Variants in AEBP2 observed in about 807,000 individuals in gnomAD.
AEBP2 encodes the protein zinc finger protein AEBP2.
AEBP2 carries 10 observed loss-of-function variants against 50.8 expected under a neutral mutation model. The observed-to-expected ratio is 0.20, with a 90% CI of 0.12 to 0.33. The LOEUF is 0.33. Ranked by LOEUF, AEBP2 falls within the 10% of genes least tolerant of loss-of-function variation. The probability of loss-of-function intolerance (pLI) is 1.00; values close to 1 mark genes in which losing one functional copy is unlikely to be tolerated. For missense variants in AEBP2, 570 were observed against 688.0 expected (o/e 0.83, Z 1.92); for synonymous variants, 296 against 261.3 (o/e 1.13, Z -1.28).
chr12:19,518,175 G>C lies in AEBP2; in HGVS notation c.*58G>C. 6.6e-7 allele frequency: 1 copy of C among 1,504,486 alleles called. No homozygotes were observed. Among genetic ancestry groups the C allele is most frequent in the Non-Finnish European group, 8.9e-7 (1 of 1,128,402 alleles). The allele number at this position is 1,504,486 out of a possible 1,614,324, so 93.2% of individuals were successfully genotyped here. A position where few individuals can be genotyped will look rare whatever the true frequency, so the allele number is the denominator to read the frequency against. On this transcript the variant is annotated 3_prime_UTR_variant, in exon 8 of 8. Transcript: ENST00000266508. ...GGGGACACCTGCAGTCTTAGTCACT[G>C]ACAATGGGTTTAGGGAAAGTTGCAC...
At chr12:19,488,003 A>C (rs1352406327) in intron 3 of AEBP2, among the ~76,000 whole-genome samples, 1 of 152,168 alleles carries the variant, frequency 6.6e-6, no homozygotes, top group Admixed American at 6.6e-5. Flanking sequence ...AGCCTTGCAC[A>C]TTGCATATGT....
At chr12:19,407,044 G>T (rs560125993) in intron 1 of AEBP2, among the ~76,000 whole-genome samples, 1 of 152,122 alleles carries the variant, frequency 6.6e-6, no homozygotes, top group African/African-American at 2.4e-5. Context: ...TCTCACACTT[G>T]TAATCTCGGC....
Position 19,520,905 on chromosome 12 carries a change from A to G in AEBP2, c.*2788A>G, listed in dbSNP as rs1366877291. ...TGACCTCATGTGACTGGTCATAGTC[A>G]AAACAATTAAGACTTTGTTTCATGC... On this transcript the variant is annotated 3_prime_UTR_variant, in exon 8 of 8. Transcript: ENST00000266508. The G allele has an allele frequency of 6.6e-6, 1 of 152,226 alleles. No individual in the cohort carries two copies. The highest frequency in any genetic ancestry group is 1.5e-5 in the Non-Finnish European group (1 of 68,036). The allele number at this position is 152,226 out of a possible 1,614,324, so 9.4% of individuals were successfully genotyped here. A position where few individuals can be genotyped will look rare whatever the true frequency, so the allele number is the denominator to read the frequency against.
chr12:19,485,242 G>A (rs1338180520), intron 3 of AEBP2, among the ~76,000 whole-genome samples: 7 of 152,006 alleles, frequency 4.6e-5, no homozygotes, highest in Non-Finnish European at 8.8e-5. Flanking sequence ...AACTGTAGAC[G>A]TTTCCTATTG....
In AEBP2 at chr12:19,439,883, G is replaced by T; in HGVS notation, c.184G>T (p.Gly62Cys). The T allele has an allele frequency of 6.7e-7, 1 of 1,484,480 alleles. No homozygotes were observed. Among genetic ancestry groups the T allele is most frequent in the Non-Finnish European group, 8.9e-7 (1 of 1,126,558 alleles). 92.0% of individuals were successfully genotyped at this position (1,484,480 alleles called of 1,614,324 possible). ...GGTGGCGGCGCTGCTGCTGAACGGCGGCAGCGGTGGGGGCGGCGGAGGCGG... is the reference window on the plus strand; with the variant it reads ...GGTGGCGGCGCTGCTGCTGAACGGCTGCAGCGGTGGGGGCGGCGGAGGCGG... ...EAVAALLLNG[G>C]SGGGGGGGGG... Residue 62 changes from glycine (G) to cysteine (C), a missense_variant, in exon 1 of 8, where the codon GGC becomes TGC. By Grantham distance (159) the Gly-to-Cys change is radical (BLOSUM62 -3). Around this residue, in one of 2 missense-constraint regions of AEBP2, gnomAD observed 386 missense variants for 336.8 expected, o/e 1.15. Coordinates refer to ENST00000266508, the MANE Select transcript of AEBP2 (RefSeq NM_153207.5).
chr12:19,501,797 G>GTTTGTTTTTT (rs60750234), intron 5 of AEBP2, among the ~76,000 whole-genome samples: 38 of 70,908 alleles, frequency 5.4e-4, no homozygotes, highest in South Asian at 2.0e-3. Context: ...AAATGAGTTT[G>GTTTGTTTTTT]TTTTTTTTTT....
chr12:19,408,513 C>T (rs1282157267), intron 1 of AEBP2, among the ~76,000 whole-genome samples: 6 of 150,590 alleles, frequency 4.0e-5, no homozygotes, highest in South Asian at 2.1e-4. Flanking sequence ...TGCACCACTG[C>T]GCTCCAGCCT....
chr12:19,510,660 A>G (rs1489383861), intron 5 of AEBP2, among the ~76,000 whole-genome samples: 1 of 152,102 alleles, frequency 6.6e-6, no homozygotes, highest in East Asian at 1.9e-4. Context: ...TAGATATGTT[A>G]ATTGGGGTTT....
intron 4 of AEBP2, among the ~76,000 whole-genome samples, chr12:19,498,153 G>C (rs1486742965): frequency 6.6e-6 from 1 of 152,176 alleles, no homozygotes; most frequent in East Asian, 1.9e-4. Flanking sequence ...TAGTGATTTA[G>C]AGTGATGAGT....
At chr12:19,457,762 A>G (rs895057536) in intron 1 of AEBP2, 39 of 500,394 alleles carry the variant, frequency 7.8e-5, no homozygotes, top group Non-Finnish European at 1.0e-4. Flanking sequence ...TCAAAATGTC[A>G]CAGCAGCATC....
intron 2 of AEBP2, among the ~76,000 whole-genome samples, chr12:19,463,902 T>C (rs562276452): frequency 2.8e-4 from 42 of 152,098 alleles, no homozygotes; most frequent in Admixed American, 2.1e-3. Context: ...CTGAACTCAG[T>C]TGATCCGCCC....
chr12:19,509,633 G>C (rs1323177734), intron 5 of AEBP2, among the ~76,000 whole-genome samples: 2 of 151,918 alleles, frequency 1.3e-5, no homozygotes, highest in Non-Finnish European at 2.9e-5. Flanking sequence ...TGTGGTTCTG[G>C]CTGCTCAGGA....
chr12:19,517,496 T>C lies in AEBP2; in HGVS notation c.1482-591T>C, dbSNP rs533249862. ...GTAACAATGATTTACATAGCATTTATATTATATTGTTATAAGTAATCTTGA... is the reference window on the plus strand; with the variant it reads ...GTAACAATGATTTACATAGCATTTACATTATATTGTTATAAGTAATCTTGA... On this transcript the variant is annotated intron_variant, in intron 7 of 7. Transcript: ENST00000266508. Among the ~76,000 whole-genome samples the C allele has an allele frequency of 1.0e-3, 154 of 152,354 alleles. 1 individual carries two copies. The highest frequency in any genetic ancestry group is 3.6e-3 in the African/African-American group (148 of 41,582).
chr12:19,443,977 AAGAT>A (rs1221858016), intron 1 of AEBP2, among the ~76,000 whole-genome samples: 1 of 152,046 alleles, frequency 6.6e-6, no homozygotes, highest in Non-Finnish European at 1.5e-5. Flanking sequence ...TTTGGTTATA[AAGAT>A]AGTAGGGAGA....
upstream of AEBP2, among the ~76,000 whole-genome samples, chr12:19,437,481 C>T (rs1947873251): frequency 6.6e-6 from 1 of 152,134 alleles, no homozygotes; most frequent in Non-Finnish European, 1.5e-5. Context: ...TCAAGTGAAC[C>T]TCCCACTTCA....
intron 1 of AEBP2, among the ~76,000 whole-genome samples, chr12:19,425,250 A>G (rs2095747928): frequency 6.6e-6 from 1 of 152,170 alleles, no homozygotes; most frequent in African/African-American, 2.4e-5. Context: ...TTACATCAGA[A>G]AGGGACCATA....
At chr12:19,450,024 A>G (rs1372374676) in intron 1 of AEBP2, among the ~76,000 whole-genome samples, 1 of 152,212 alleles carries the variant, frequency 6.6e-6, no homozygotes, top group East Asian at 1.9e-4. Context: ...CAGATGTAAT[A>G]AAATAGGCAC....
At chr12:19,501,346 A>AG (rs1195221752) in intron 5 of AEBP2, among the ~76,000 whole-genome samples, 1 of 151,782 alleles carries the variant, frequency 6.6e-6, no homozygotes, top group Non-Finnish European at 1.5e-5. Flanking sequence ...AAAAAAAAAA[A>AG]AAATACAGCC....
intron 3 of AEBP2, among the ~76,000 whole-genome samples, chr12:19,485,571 T>C (rs1948794963): frequency 6.6e-6 from 1 of 151,324 alleles, no homozygotes; most frequent in Admixed American, 6.6e-5. Context: ...TAGCCGGGCG[T>C]GTTGGCATGT....
Sources: gnomAD v4.1 joint callset for allele counts (sites outside exome capture counted in the v4.1 genomes callset) on GRCh38, gnomAD v4.1.1 for gene constraint, gnomAD v4.1.1 regional missense constraint, MANE v1.5 for transcripts, NCBI Gene and HGNC (gene_info 2026-07-23, HGNC 2026-07-21) for gene names.